Variants in AUH observed in about 807,000 individuals in gnomAD.
The protein encoded by AUH is methylglutaconyl-CoA hydratase, mitochondrial.
In AUH, 29 loss-of-function variants were observed where a neutral mutation model predicts 42.3. That is an observed-to-expected ratio of 0.69 (90% CI 0.51 to 0.93). AUH has a LOEUF of 0.93. AUH is among the 40% of genes least tolerant of loss of function. AUH has a pLI of 0.00. For synonymous variants in AUH, 174 were observed against 166.4 expected, an observed-to-expected ratio of 1.05 and a Z score of -0.35; for missense variants, 452 against 438.1, an observed-to-expected ratio of 1.03 and a Z score of -0.28.
intron 3 of AUH, among the ~76,000 whole-genome samples, chr9:91,348,110 T>C (rs1234451520): frequency 2.7e-5 from 4 of 148,940 alleles, no homozygotes; most frequent in East Asian, 2.0e-4. Flanking sequence ...CTCAATGAGA[T>C]GAGATTCTAA....
At chr9:91,355,422 T>C (rs1832329758) in intron 3 of AUH, among the ~76,000 whole-genome samples, 1 of 151,862 alleles carries the variant, frequency 6.6e-6, no homozygotes, top group African/African-American at 2.4e-5. Context: ...CTAGGCGAGG[T>C]GGCAGGCGCC....
chr9:91,231,008 T>A (rs1301303989), intron 6 of AUH, among the ~76,000 whole-genome samples: 2 of 152,224 alleles, frequency 1.3e-5, no homozygotes, highest in Non-Finnish European at 2.9e-5. Flanking sequence ...TGTCTTTTTG[T>A]CTGTGCCCTG....
intron 3 of AUH, among the ~76,000 whole-genome samples, chr9:91,346,622 T>G (rs1463457518): frequency 2.6e-5 from 4 of 152,186 alleles, no homozygotes; most frequent in Non-Finnish European, 4.4e-5. Flanking sequence ...ACCAAATGTC[T>G]GAGGGTTTCC....
chr9:91,276,204 G>A (rs562949172), intron 6 of AUH, among the ~76,000 whole-genome samples: 13 of 152,080 alleles, frequency 8.5e-5, no homozygotes, highest in Non-Finnish European at 1.5e-4. Context: ...CAAGGCAGGC[G>A]GATCACTTGA....
intron 6 of AUH, among the ~76,000 whole-genome samples, chr9:91,295,239 A>G (rs757682371): frequency 2.8e-4 from 43 of 152,110 alleles, no homozygotes; most frequent in Admixed American, 6.6e-4. Flanking sequence ...TTCCTTTATA[A>G]ATTACCCAGT....
chr9:91,358,598 G>T (rs1057420444), intron 1 of AUH, among the ~76,000 whole-genome samples: 17 of 152,282 alleles, frequency 1.1e-4, no homozygotes. Context: ...TACAACATGA[G>T]GACCCAATTA....
chr9:91,286,541 GA>G (rs1826420523), intron 6 of AUH, among the ~76,000 whole-genome samples: 1 of 151,908 alleles, frequency 6.6e-6, no homozygotes, highest in Non-Finnish European at 1.5e-5. Context: ...AATGATCAAA[GA>G]TATTATCACC....
intron 4 of AUH, among the ~76,000 whole-genome samples, chr9:91,315,516 T>C (rs981507045): frequency 2.6e-5 from 4 of 152,174 alleles, no homozygotes; most frequent in Non-Finnish European, 4.4e-5. Flanking sequence ...AGTGTGGGAA[T>C]AGCCACCTTG....
At chr9:91,317,362 A>C (rs1829237939) in intron 4 of AUH, among the ~76,000 whole-genome samples, 1 of 152,142 alleles carries the variant, frequency 6.6e-6, no homozygotes, top group South Asian at 2.1e-4. Context: ...TATTTTTTTA[A>C]ACATGTTACA....
At chr9:91,357,513 T>C (rs1380653364) in intron 1 of AUH, 1 of 961,192 alleles carries the variant, frequency 1.0e-6, no homozygotes, top group Non-Finnish European at 1.2e-6. Flanking sequence ...GGAACTAGAG[T>C]CTAGGAGGGA....
At chr9:91,295,879 TG>T (rs763145788) in intron 6 of AUH, 141 bp downstream of exon 6, 121 of 910,254 alleles carry the variant, frequency 1.3e-4, no homozygotes, top group Non-Finnish European at 2.0e-4. Context: ...GTAACTTGAA[TG>T]GGGACTTTGC....
intron 6 of AUH, among the ~76,000 whole-genome samples, chr9:91,272,352 C>T (rs924915147): frequency 1.3e-5 from 2 of 152,224 alleles, no homozygotes; most frequent in African/African-American, 2.4e-5. Flanking sequence ...TGCTCTCATG[C>T]TCCCCCAGCT....
rs145861458 is a variant in AUH at position 91,351,519 on chromosome 9, G to A, written c.418+4364C>T. Among the ~76,000 whole-genome samples the A allele has an allele frequency of 3.8e-3, 584 of 152,226 alleles. 3 individuals carry two copies. Among genetic ancestry groups the A allele is most frequent in the Non-Finnish European group, 4.0e-3 (272 of 68,020 alleles). ...AGAGTCCTTAGAAAATTTCATCCTT[G>A]TATAAACATCATTGAGTATATATAC... On this transcript the variant is annotated intron_variant, in intron 3 of 9. Transcript: ENST00000375731.
intron 6 of AUH, among the ~76,000 whole-genome samples, chr9:91,231,562 G>T (rs1478853482): frequency 2.0e-5 from 3 of 152,154 alleles, no homozygotes; most frequent in Admixed American, 6.5e-5. Context: ...TTCCTATTCG[G>T]TCATCTAAAG....
chr9:91,304,840 G>C (rs547592210), intron 4 of AUH, among the ~76,000 whole-genome samples: 2 of 152,198 alleles, frequency 1.3e-5, no homozygotes, highest in African/African-American at 2.4e-5. Flanking sequence ...TACTGGTGGA[G>C]AGATATAATT....
chr9:91,296,832 T>C lies in AUH; in HGVS notation c.599-755A>G, dbSNP rs549350486. ...CCAGAAATCCCAAGAAACTGAATCA[T>C]GTTGACGCTACATTGTTCTAAAAAT... On this transcript the variant is annotated intron_variant, in intron 5 of 9. Transcript: ENST00000375731. Among the ~76,000 whole-genome samples the C allele has an allele frequency of 5.3e-5, 8 of 152,364 alleles. No individual in the cohort carries two copies. In the South Asian group the frequency reaches 1.7e-3, roughly 32 times the overall value.
At chr9:91,318,717 C>A (rs1296441006) in intron 4 of AUH, among the ~76,000 whole-genome samples, 2 of 152,212 alleles carry the variant, frequency 1.3e-5, no homozygotes, top group Non-Finnish European at 2.9e-5. Context: ...CCAGATGGAA[C>A]AATAATTCAG....
intron 6 of AUH, among the ~76,000 whole-genome samples, chr9:91,252,799 T>C (rs1829208116): frequency 6.6e-6 from 1 of 152,240 alleles, no homozygotes; most frequent in African/African-American, 2.4e-5. Flanking sequence ...GCCAGTAGCA[T>C]TGACCTTTTG....
intron 6 of AUH, among the ~76,000 whole-genome samples, chr9:91,233,363 G>A (rs753294767): frequency 1.3e-5 from 2 of 152,156 alleles, no homozygotes; most frequent in African/African-American, 2.4e-5. Flanking sequence ...GCACAAGGAG[G>A]TCCAGTGTGG....
Sources: allele counts gnomAD v4.1 joint callset (sites outside exome capture counted in the v4.1 genomes callset), GRCh38; gene constraint gnomAD v4.1.1; transcripts MANE v1.5; gene names NCBI Gene and HGNC (gene_info 2026-07-23, HGNC 2026-07-21).